Variants in NEK1 observed in about 807,000 individuals in gnomAD.
NEK1 encodes the protein serine/threonine-protein kinase Nek1.
A neutral mutation model predicts 182.1 loss-of-function variants in NEK1; 137 were observed. The observed-to-expected ratio is 0.75, with a 90% CI of 0.65 to 0.87. The LOEUF (loss-of-function observed/expected upper bound fraction) is 0.87, where lower values mean the gene tolerates loss of function less well. Ranked by LOEUF, NEK1 falls within the 40% of genes least tolerant of loss-of-function variation. The probability of loss-of-function intolerance (pLI) is 0.00; values close to 1 mark genes in which losing one functional copy is unlikely to be tolerated. For missense variants in NEK1, 1,391 were observed against 1,494.4 expected (o/e 0.93, Z 1.14); for synonymous variants, 513 against 492.2 (o/e 1.04, Z -0.56).
chr4:169,503,221 T>G (rs1034487901), intron 23 of NEK1, among the ~76,000 whole-genome samples: 3 of 151,846 alleles, frequency 2.0e-5, no homozygotes, highest in Non-Finnish European at 4.4e-5. Flanking sequence ...ATGAAGAAAA[T>G]CATAGATGAC....
chr4:169,556,062 G>T lies in NEK1; in HGVS notation c.1300C>A (p.Pro434Thr). ...TGTCCTCGAGAAGAAAAAGATGATG[G>T]AGCTATAGTCCCTCCACTGCCCAGA... is the stretch of plus-strand genomic sequence containing the variant. ...PFLGSGGTIAPSSFSSRGQYE... is the reference protein window; with the variant it reads ...PFLGSGGTIATSSFSSRGQYE... Residue 434 changes from proline to threonine, a missense_variant, in exon 17 of 36, where the codon CCA (proline) becomes ACA (threonine). Transcript: ENST00000507142. The T allele has an allele frequency of 6.2e-7, 1 of 1,613,324 alleles. No homozygotes were observed. Among genetic ancestry groups the T allele is most frequent in the South Asian group, 1.1e-5 (1 of 90,988 alleles).
At chr4:169,569,952 CA>C (rs1764420870) in intron 12 of NEK1, among the ~76,000 whole-genome samples, 1 of 149,920 alleles carries the variant, frequency 6.7e-6, no homozygotes, top group Admixed American at 6.6e-5. Flanking sequence ...CCTGGCCGCC[CA>C]TCGTCTGGGA....
chr4:169,425,329 T>C (rs1401052406), intron 30 of NEK1, among the ~76,000 whole-genome samples: 1 of 151,448 alleles, frequency 6.6e-6, no homozygotes, highest in Non-Finnish European at 1.5e-5. Context: ...GAGGATGAGG[T>C]GAGGGTTGTT....
chr4:169,501,258 A>T (rs1752370027), intron 23 of NEK1, among the ~76,000 whole-genome samples: 1 of 152,170 alleles, frequency 6.6e-6, no homozygotes, highest in South Asian at 2.1e-4. Flanking sequence ...ATAAACAATT[A>T]CTACTAGATC....
At chr4:169,513,966 GTTATTTATTTATTTAT>G (rs35041721) in intron 19 of NEK1, among the ~76,000 whole-genome samples, 1 of 144,542 alleles carries the variant, frequency 6.9e-6, no homozygotes, top group Non-Finnish European at 1.5e-5. Flanking sequence ...GAGGATTTTT[GTTATTTATTTATTTAT>G]TTATTTATTT....
At chr4:169,492,266 G>A (rs1750243541) in intron 23 of NEK1, among the ~76,000 whole-genome samples, 1 of 152,186 alleles carries the variant, frequency 6.6e-6, no homozygotes, top group South Asian at 2.1e-4. Flanking sequence ...GTTCTCCTCA[G>A]AAGGAAGATC....
At chr4:169,523,865 A>G (rs1756483180) in intron 19 of NEK1, among the ~76,000 whole-genome samples, 1 of 152,252 alleles carries the variant, frequency 6.6e-6, no homozygotes, top group South Asian at 2.1e-4. Flanking sequence ...AATCAATGAA[A>G]GAATGAATGA....
chr4:169,470,148 G>T (rs961313925), intron 26 of NEK1, among the ~76,000 whole-genome samples: 1 of 152,072 alleles, frequency 6.6e-6, no homozygotes, highest in South Asian at 2.1e-4. Flanking sequence ...ATATTGATAT[G>T]TGTGAATTTG....
Position 169,438,124 on chromosome 4 carries a change from G to A in NEK1, c.2723C>T (p.Ala908Val), listed in dbSNP as rs1439428785. 1.2e-6 allele frequency: 2 copies of A among 1,612,296 alleles called. No individual in the cohort carries two copies. Among genetic ancestry groups the A allele is most frequent in the Admixed American group, 1.7e-5 (1 of 59,862 alleles). ...CAGTTTCAATGACATCTGTGGAGATGCCTCACTGAACTCGGGACTTTTTGT... is the reference window on the plus strand; with the variant it reads ...CAGTTTCAATGACATCTGTGGAGATACCTCACTGAACTCGGGACTTTTTGT... ...VETKSPEFSE[A>V]SPQMSLKLEG... Residue 908 changes from alanine (A) to valine (V), a missense_variant, in exon 28 of 36, where the codon GCA (alanine) becomes GTA (valine). Ala to Val is a moderately conservative substitution (Grantham distance 64). This residue lies in a region of NEK1 where 1,216 missense variants were observed against 1,277.6 expected (regional missense o/e 0.95). Coordinates refer to ENST00000507142, the MANE Select transcript of NEK1 (RefSeq NM_001199397.3).
At chr4:169,423,537 T>C (rs1735842867) in intron 31 of NEK1, among the ~76,000 whole-genome samples, 1 of 152,214 alleles carries the variant, frequency 6.6e-6, no homozygotes. Context: ...TCAATAACAT[T>C]ACTCATTTGA....
intron 27 of NEK1, among the ~76,000 whole-genome samples, chr4:169,440,244 C>T (rs1432241881): frequency 6.6e-6 from 1 of 151,326 alleles, no homozygotes; most frequent in Non-Finnish European, 1.5e-5. Context: ...AGCAGCAAAT[C>T]AAAATAGTCA....
chr4:169,445,856 A>G (rs548408923), intron 27 of NEK1, among the ~76,000 whole-genome samples: 7 of 140,314 alleles, frequency 5.0e-5, no homozygotes, highest in South Asian at 2.2e-4. Flanking sequence ...ATACATATAT[A>G]TATATATATA....
rs372624566 is a variant in NEK1, at chr4:169,415,848, A to C, written c.3222+8705T>G. 4.6e-5 allele frequency among the ~76,000 whole-genome samples: 7 copies of C among 152,318 alleles called. No homozygotes were observed. The East Asian group carries it at 7.7e-4, about 17-fold the overall frequency. On this transcript the variant is annotated intron_variant, in intron 31 of 35. Coordinates refer to ENST00000507142, the MANE Select transcript of NEK1 (RefSeq NM_001199397.3). ...TTCTGCAAAAAGAGCCCTTTAAAGT[A>C]CATTAAAGGAATGCCTTAGTATCAT...
At chr4:169,449,913 G>T (rs1452848340) in intron 27 of NEK1, among the ~76,000 whole-genome samples, 1 of 152,150 alleles carries the variant, frequency 6.6e-6, no homozygotes, top group African/African-American at 2.4e-5. Flanking sequence ...CTCATAGCAA[G>T]GAAGCTAAAA....
At chr4:169,583,702 T>C (rs1767054791) in intron 10 of NEK1, among the ~76,000 whole-genome samples, 2 of 152,164 alleles carry the variant, frequency 1.3e-5, no homozygotes, top group Non-Finnish European at 2.9e-5. Context: ...CTCTAGTGGC[T>C]GCCAAAAAAA....
chr4:169,602,623 T>C lies in NEK1; in HGVS notation c.8A>G (p.Lys3Arg), dbSNP rs2150141268. 3 of 1,562,292 alleles carry C rather than the reference T, an allele frequency of 1.9e-6. No homozygotes were observed. The highest frequency in any genetic ancestry group is 2.6e-6 in the Non-Finnish European group (3 of 1,134,980). The change falls in exon 3 of 36, where the codon AAG becomes AGG. Residue 3 changes from lysine to arginine, a missense_variant. Lys to Arg is a conservative substitution (Grantham distance 26). Coordinates refer to ENST00000507142, the MANE Select transcript of NEK1 (RefSeq NM_001199397.3). The stretch of plus-strand genomic sequence containing the variant: ...TCCAATCTTCTGTAGTCTAACATAC[T>C]TCTCCATGATTCTTTTTCTAAGGCA... MEKYVRLQKIGEG... is the reference protein window; with the variant it reads MERYVRLQKIGEG...
chr4:169,569,795 T>A (rs1224608036), intron 12 of NEK1, among the ~76,000 whole-genome samples: 2 of 152,196 alleles, frequency 1.3e-5, no homozygotes, highest in Non-Finnish European at 2.9e-5. Context: ...CACTCAGTGC[T>A]CAATGGTGCC....
intron 23 of NEK1, among the ~76,000 whole-genome samples, chr4:169,486,789 A>C (rs925881326): frequency 6.6e-6 from 1 of 152,228 alleles, no homozygotes; most frequent in Non-Finnish European, 1.5e-5. Context: ...AAAGTCTAAA[A>C]ATAAGACAAA....
At chr4:169,578,829 G>C (rs1228719762) in intron 11 of NEK1, among the ~76,000 whole-genome samples, 1 of 152,120 alleles carries the variant, frequency 6.6e-6, no homozygotes, top group Admixed American at 6.6e-5. Context: ...CGACGTGATA[G>C]GGTAAGGTTT....
Sources: gnomAD v4.1 joint callset for allele counts (sites outside exome capture counted in the v4.1 genomes callset) on GRCh38, gnomAD v4.1.1 for gene constraint, gnomAD v4.1.1 regional missense constraint, MANE v1.5 for transcripts, NCBI Gene and HGNC (gene_info 2026-07-23, HGNC 2026-07-21) for gene names.